The following DNAI7 variants were observed in gnomAD, a reference collection of about 807,000 sequenced individuals.
DNAI7 encodes cancer susceptibility 1.
In DNAI7, 78 loss-of-function variants were observed where a neutral mutation model predicts 86.6. That is an observed-to-expected ratio of 0.90 (90% CI 0.75 to 1.09). The LOEUF (loss-of-function observed/expected upper bound fraction) is 1.09. Among genes scored for constraint, DNAI7 ranks in the 50% least tolerant of loss-of-function variants. The pLI, the probability that DNAI7 is intolerant of heterozygous loss-of-function variation, is 0.00. For missense variants in DNAI7, 753 were observed against 810.2 expected, an observed-to-expected ratio of 0.93 and a Z score of 0.86; for synonymous variants, 274 against 273.0, an observed-to-expected ratio of 1.00 and a Z score of -0.04.
intron 2 of DNAI7, among the ~76,000 whole-genome samples, chr12:25,174,293 G>A (rs1170152538): frequency 9.0e-6 from 1 of 111,114 alleles, no homozygotes; most frequent in African/African-American, 3.4e-5. Context: ...TTAGGTCCCA[G>A]CTATTTATCT....
At chr12:25,135,226 GAGA>G (rs1439180053) in intron 9 of DNAI7, among the ~76,000 whole-genome samples, 2 of 152,216 alleles carry the variant, frequency 1.3e-5, no homozygotes, top group South Asian at 2.1e-4. Flanking sequence ...CAGATCATGG[GAGA>G]AGGATTTAAC....
intron 9 of DNAI7, among the ~76,000 whole-genome samples, chr12:25,142,546 T>C (rs1315219455): frequency 6.6e-6 from 1 of 151,934 alleles, no homozygotes; most frequent in East Asian, 1.9e-4. Context: ...AATTAATTAT[T>C]ACTACATGAG....
chr12:25,151,398 A>G (rs953639442), intron 6 of DNAI7, among the ~76,000 whole-genome samples: 2 of 151,664 alleles, frequency 1.3e-5, no homozygotes, highest in Non-Finnish European at 2.9e-5. Context: ...CTGCTATCCA[A>G]CTCCACTTTT....
chr12:25,167,786 C>T (rs1437825100), intron 2 of DNAI7, among the ~76,000 whole-genome samples: 1 of 152,162 alleles, frequency 6.6e-6, no homozygotes, highest in Middle Eastern at 3.2e-3. Context: ...CCCTCCTCCG[C>T]ACTTACTTAA....
chr12:25,127,105 T>C lies in DNAI7; in HGVS notation c.1003-3819A>G, dbSNP rs537857249. Among the ~76,000 whole-genome samples, 63 of 152,322 alleles carry C rather than the reference T, an allele frequency of 4.1e-4. 1 individual carries two copies. The highest frequency in any genetic ancestry group is 6.8e-3 in the Middle Eastern group (2 of 294). Reference sequence around the variant, plus strand: ...CTACTCTTTAGCTCAATTGACTCTTTTTTGAAGTTAGACTTCTAGAAGGAT... The same window carrying C: ...CTACTCTTTAGCTCAATTGACTCTTCTTTGAAGTTAGACTTCTAGAAGGAT... On this transcript the variant is annotated intron_variant, in intron 9 of 15. Transcript: ENST00000395987.
At chr12:25,191,097 T>C (rs1430543168) in intron 1 of DNAI7, among the ~76,000 whole-genome samples, 1 of 152,162 alleles carries the variant, frequency 6.6e-6, no homozygotes, top group African/African-American at 2.4e-5. Flanking sequence ...TGATGATTTT[T>C]ATAGAAAGGG....
intron 8 of DNAI7, 123 bp downstream of exon 8, chr12:25,146,878 C>G (rs984431007): frequency 3.8e-5 from 23 of 598,728 alleles, no homozygotes; most frequent in African/African-American, 3.4e-4. Flanking sequence ...AGTGGGCTAA[C>G]TTCCTGAAAT....
intron 2 of DNAI7, among the ~76,000 whole-genome samples, chr12:25,166,640 C>A (rs1018090983): frequency 6.6e-5 from 10 of 152,060 alleles, no homozygotes; most frequent in Non-Finnish European, 1.3e-4. Context: ...TCTCCCAAAC[C>A]CCAATCCCTT....
chr12:25,125,011 A>AT, intron 9 of DNAI7, among the ~76,000 whole-genome samples: 1 of 152,198 alleles, frequency 6.6e-6, no homozygotes, highest in East Asian at 1.9e-4. Context: ...TCTTTATCCA[A>AT]TCTGTCACTG....
chr12:25,168,206 G>A (rs1360878260), intron 2 of DNAI7, among the ~76,000 whole-genome samples: 2 of 151,996 alleles, frequency 1.3e-5, no homozygotes, highest in African/African-American at 2.4e-5. Context: ...GTTTTGCCTC[G>A]CACAAGGTCT....
intron 9 of DNAI7, among the ~76,000 whole-genome samples, chr12:25,127,828 T>C (rs982257710): frequency 2.0e-5 from 3 of 152,108 alleles, no homozygotes; most frequent in African/African-American, 7.2e-5. Context: ...AGAATATAGA[T>C]TCCAGAAATA....
intron 9 of DNAI7, among the ~76,000 whole-genome samples, chr12:25,134,743 T>C (rs575828592): frequency 5.3e-5 from 8 of 152,246 alleles, no homozygotes; most frequent in Non-Finnish European, 8.8e-5. Context: ...CAATGTAACA[T>C]TACATAATAA....
chr12:25,168,529 C>T (rs1257506707), intron 2 of DNAI7, among the ~76,000 whole-genome samples: 1 of 152,168 alleles, frequency 6.6e-6, no homozygotes, highest in Non-Finnish European at 1.5e-5. Flanking sequence ...TTTATCAGTC[C>T]TCCAGGCCCA....
At chr12:25,127,418 T>C (rs1942300090) in intron 9 of DNAI7, among the ~76,000 whole-genome samples, 1 of 152,240 alleles carries the variant, frequency 6.6e-6, no homozygotes, top group Admixed American at 6.5e-5. Flanking sequence ...TTTTACAAAA[T>C]TGGGTGTTTT....
At chr12:25,110,957 A>G (rs1197808523) in intron 14 of DNAI7, among the ~76,000 whole-genome samples, 1 of 152,216 alleles carries the variant, frequency 6.6e-6, no homozygotes, top group East Asian at 1.9e-4. Context: ...TGAAAGCATG[A>G]GCAGAACACT....
intron 2 of DNAI7, among the ~76,000 whole-genome samples, chr12:25,176,447 G>T (rs1397141611): frequency 6.6e-6 from 1 of 151,948 alleles, no homozygotes; most frequent in African/African-American, 2.4e-5. Flanking sequence ...AATTTTCCTG[G>T]ATGTACATCT....
intron 4 of DNAI7, among the ~76,000 whole-genome samples, chr12:25,156,239 C>T (rs1228707430): frequency 6.6e-6 from 1 of 152,158 alleles, no homozygotes; most frequent in Non-Finnish European, 1.5e-5. Context: ...TCTTCTGCTG[C>T]ATATCGAATG....
At chr12:25,191,575 G>A (rs137877616) in intron 1 of DNAI7, among the ~76,000 whole-genome samples, 109 of 151,644 alleles carry the variant, frequency 7.2e-4, no homozygotes, top group African/African-American at 2.5e-3. Context: ...ATGGTGGCAT[G>A]TGTCTGTAGT....
At chr12:25,177,542 A>G (rs1949088950) in intron 2 of DNAI7, among the ~76,000 whole-genome samples, 1 of 152,116 alleles carries the variant, frequency 6.6e-6, no homozygotes, top group Non-Finnish European at 1.5e-5. Flanking sequence ...CCATTGATTT[A>G]TTTATCCTTT....
Sources: allele counts gnomAD v4.1 joint callset (sites outside exome capture counted in the v4.1 genomes callset), GRCh38; gene constraint gnomAD v4.1.1; transcripts MANE v1.5; gene names NCBI Gene and HGNC (gene_info 2026-07-23, HGNC 2026-07-21).